Variants in FBXW5 observed in about 807,000 individuals in gnomAD.
FBXW5 encodes F-box and WD repeat domain containing 5.
In FBXW5, 74 loss-of-function variants were observed where a neutral mutation model predicts 50.9. That is an observed-to-expected ratio of 1.45 (90% CI 1.20 to 1.76). The LOEUF (loss-of-function observed/expected upper bound fraction) is 1.76, where lower values mean the gene tolerates loss of function less well. Ranked by LOEUF, FBXW5 falls within the 40% of genes most tolerant of loss-of-function variation. The pLI, the probability that FBXW5 is intolerant of heterozygous loss-of-function variation, is 0.00. For missense variants in FBXW5, 1,073 were observed against 818.8 expected (o/e 1.31, Z -3.79); for synonymous variants, 523 against 362.2 (o/e 1.44, Z -5.04).
intron 1 of FBXW5, 80 bp from the exon 2 acceptor site, chr9:136,944,186 A>C: frequency 2.2e-6 from 3 of 1,392,836 alleles, no homozygotes; most frequent in Non-Finnish European, 2.9e-6. Context: ...TCCAGCCCCA[A>C]CCGTCCCGCC....
Position 136,940,770 on chromosome 9 carries a change from G to GT in FBXW5, c.*157dup. 1 of 1,199,150 alleles carries GT rather than the reference G, an allele frequency of 8.3e-7. No individual in the cohort carries two copies. Among genetic ancestry groups the GT allele is most frequent in the Admixed American group, 2.7e-5 (1 of 37,352 alleles). The allele number at this position is 1,199,150 out of a possible 1,614,324, so 74.3% of individuals were successfully genotyped here. ...ACCCCGTGCCAAGCATCACAGCTGC[G>GT]TGAGCAGGTTTGTGTGTGAGCGTGT... On this transcript the variant is annotated 3_prime_UTR_variant, in exon 9 of 9. Transcript: ENST00000325285.
Position 136,943,481 on chromosome 9 carries a change from G to A in FBXW5, c.219C>T (p.Phe73=), listed in dbSNP as rs1245819991. 1 of 1,611,932 alleles carries A rather than the reference G, an allele frequency of 6.2e-7. No individual in the cohort carries two copies. Among genetic ancestry groups the A allele is most frequent in the Non-Finnish European group, 8.5e-7 (1 of 1,179,278 alleles). Residue 73 remains phenylalanine (F), a synonymous_variant, in exon 3 of 9, where the codon TTC becomes TTT. Coordinates refer to ENST00000325285, the MANE Select transcript of FBXW5 (RefSeq NM_018998.4). Reference sequence around the variant, plus strand: ...AGGGCACCGTGTCATACAGCCGCTGGAACTCCTCGTACCAGGACATGGCCG... The same window carrying A: ...AGGGCACCGTGTCATACAGCCGCTGAAACTCCTCGTACCAGGACATGGCCG... ...HPAAMSWYEE[F]QRLYDTVPCV...
chr9:136,942,004 GCTC>G, intron 6 of FBXW5, 39 bp downstream of exon 6: 1 of 1,556,836 alleles, frequency 6.4e-7, no homozygotes, highest in Non-Finnish European at 8.7e-7. Context: ...CCTCCCCCAA[GCTC>G]CTAGGACCGA....
In FBXW5 at chr9:136,942,759, C is replaced by A. The variant is rs749869265; in HGVS notation, c.526+10G>T. 28 of 1,612,126 alleles carry A rather than the reference C, an allele frequency of 1.7e-5. 1 individual carries two copies. The South Asian group carries it at 3.0e-4, about 17-fold the overall frequency. On this transcript the variant is annotated intron_variant, in intron 4 of 8. Transcript: ENST00000325285. ...GGCGGGGGCAGGGTCAACCCGCCGC[C>A]CGTGCTCACCTAGGCTGATGACAGC...
At chr9:136,941,721 G>GC (rs1469738785) in intron 6 of FBXW5, 37 bp from the exon 7 acceptor site, 23 of 1,534,972 alleles carry the variant, frequency 1.5e-5, no homozygotes, top group Non-Finnish European at 2.0e-5. Context: ...CCTGTCCAAT[G>GC]CCCCAAGGAC....
In FBXW5 at chr9:136,940,713, C is replaced by T. The variant is rs568980362; in HGVS notation, c.*215G>A. ...GTGTACCCCAAGTTGCCCAGGAGGC[C>T]GAGGGGGCCTTGGGCTCCATCTGCA... On this transcript the variant is annotated 3_prime_UTR_variant, in exon 9 of 9. Transcript: ENST00000325285. 4.5e-5 allele frequency: 33 copies of T among 728,254 alleles called. No individual in the cohort carries two copies. Among genetic ancestry groups the T allele is most frequent in the Admixed American group, 2.7e-4 (9 of 33,280 alleles). The allele number at this position is 728,254 out of a possible 1,614,324, so 45.1% of individuals were successfully genotyped here.
chr9:136,942,489 G>A (rs1850820553), intron 5 of FBXW5, 23 bp from the exon 6 acceptor site: 2 of 1,597,396 alleles, frequency 1.3e-6, no homozygotes, highest in South Asian at 1.1e-5. Flanking sequence ...GCACGTGCCA[G>A]GTGGGCGCCG....
At position 136,942,086 on chromosome 9, in the gene FBXW5, G is replaced by A. The variant is rs1297007912; in HGVS notation, c.1056C>T (p.Ile352=). 1.2e-6 allele frequency: 2 copies of A among 1,612,554 alleles called. No homozygotes were observed. The highest frequency in any genetic ancestry group is 1.7e-5 in the Admixed American group (1 of 59,912). ...SATGAKSKYL[I]FTTGCLTYSP... is the part of the protein sequence containing the mutation. ...AGTAGGTGAGGCAGCCAGTGGTGAA[G>A]ATGAGGTACTTGCTCTTGGCGCCTG... The change falls in exon 6 of 9, where the codon ATC becomes ATT. Residue 352 remains isoleucine (I), a synonymous_variant. Transcript: ENST00000325285.
chr9:136,944,716 G>A lies in FBXW5; in HGVS notation c.-146C>T, dbSNP rs1850971461. On this transcript the variant is annotated 5_prime_UTR_variant, in exon 1 of 9. Transcript: ENST00000325285. ...GAGCCCGCCAGGCCCGACGCCACGA[G>A]CCCCGAGGCATCGATGGCCGAGGAA... 3 of 985,584 alleles carry A rather than the reference G, an allele frequency of 3.0e-6. No homozygotes were observed. The highest frequency in any genetic ancestry group is 1.7e-5 in the African/African-American group (1 of 57,236). 61.1% of individuals were successfully genotyped at this position (985,584 alleles called of 1,614,324 possible). A position where few individuals can be genotyped will look rare whatever the true frequency, so the allele number is the denominator to read the frequency against.
At chr9:136,942,491 TGGGCGCC>T (rs771944963) in intron 5 of FBXW5, 25 bp from the exon 6 acceptor site, 138 of 1,596,062 alleles carry the variant, frequency 8.6e-5, no homozygotes, top group South Asian at 1.9e-4. Context: ...ACGTGCCAGG[TGGGCGCC>T]GGGCGCCAGG....
chr9:136,941,292 G>A lies in FBXW5; in HGVS notation c.1416C>T (p.Cys472=), dbSNP rs772603230. ...TGCTGACGTCCAGGAAGATGAAGAA[G>A]CACTCGTCGTTGGGCGTGTAGGCGC... ...AHRAYTPNDE[C]FFIFLDVSRD... The change falls in exon 8 of 9, where the codon TGC becomes TGT. Residue 472 remains cysteine, a synonymous_variant. Coordinates refer to ENST00000325285, the MANE Select transcript of FBXW5 (RefSeq NM_018998.4). The A allele has an allele frequency of 7.5e-6, 12 of 1,608,462 alleles. No homozygotes were observed. The African/African-American group carries it at 8.0e-5, about 11-fold the overall frequency.
rs374812716 is a variant in FBXW5, at chr9:136,942,443, G to T, written c.699C>A (p.Asn233Lys). 3.1e-6 allele frequency: 5 copies of T among 1,600,964 alleles called. No homozygotes were observed. In the Admixed American group the frequency reaches 5.0e-5, roughly 16 times the overall value. Residue 233 changes from asparagine (N) to lysine (K), a missense_variant, in exon 6 of 9, where the codon AAC (asparagine) becomes AAA (lysine). Physicochemically the swap from Asn to Lys is moderately conservative, Grantham distance 94 (BLOSUM62 0). Transcript: ENST00000325285. ...AFQDVESENV[N>K]VVKRLFKIQN... is the part of the protein sequence containing the mutation. ...GGATCTTGAACAGCCGCTTCACCAC[G>T]TTGACGTTCTCTGACTCCACATCCT... is the stretch of plus-strand genomic sequence containing the variant.
At chr9:136,943,286 T>C in intron 3 of FBXW5, 63 bp downstream of exon 3, 1 of 936,424 alleles carries the variant, frequency 1.1e-6, no homozygotes, top group Admixed American at 2.1e-5. Flanking sequence ...AACGCCTGGG[T>C]CCTGGGACCT....
rs778808301 is a variant in FBXW5, at chr9:136,942,910, G to C, written c.385C>G (p.His129Asp). The C allele has an allele frequency of 4.3e-6, 7 of 1,613,470 alleles. No homozygotes were observed. The highest frequency in any genetic ancestry group is 1.1e-5 in the South Asian group (1 of 91,082). The change falls in exon 4 of 9, where the codon CAC becomes GAC. Residue 129 changes from histidine (H) to aspartate (D), a missense_variant. By Grantham distance (81) the His-to-Asp change is moderately conservative. Transcript: ENST00000325285. ...WSNDLTISLLHSADMRPYNWS... is the reference protein window; with the variant it reads ...WSNDLTISLLDSADMRPYNWS... Reference sequence around the variant, plus strand: ...TTGTAGGGCCGCATGTCCGCGCTGTGCAGCAGCGAGATGGTCAGGTCGTTG... The same window carrying C: ...TTGTAGGGCCGCATGTCCGCGCTGTCCAGCAGCGAGATGGTCAGGTCGTTG...
In FBXW5 at chr9:136,940,707, G is replaced by A. The variant is rs1277646658; in HGVS notation, c.*221C>T. On this transcript the variant is annotated 3_prime_UTR_variant, in exon 9 of 9. Transcript: ENST00000325285. ...TATCCTGTGTACCCCAAGTTGCCCAGGAGGCCGAGGGGGCCTTGGGCTCCA... is the reference window on the plus strand; with the variant it reads ...TATCCTGTGTACCCCAAGTTGCCCAAGAGGCCGAGGGGGCCTTGGGCTCCA... The A allele has an allele frequency of 1.6e-5, 11 of 682,468 alleles. No homozygotes were observed. The African/African-American group carries it at 2.0e-4, about 12-fold the overall frequency. 42.3% of individuals were successfully genotyped at this position (682,468 alleles called of 1,614,324 possible).
rs745710703 is a variant in FBXW5 at position 136,942,664 on chromosome 9, G to C, written c.558C>G (p.Asn186Lys). 3.7e-6 allele frequency: 6 copies of C among 1,610,276 alleles called. No individual in the cohort carries two copies. Among genetic ancestry groups the C allele is most frequent in the African/African-American group, 1.3e-5 (1 of 74,830 alleles). ...AACAGCCAAACACGTCATAGGGCTT[G>C]TTCCGCACGCGGGACAGCAGCGCGA... Reference protein sequence around the residue: ...DSFALLSRVRNKPYDVFGCWL... With the variant: ...DSFALLSRVRKKPYDVFGCWL... The change falls in exon 5 of 9, where the codon AAC (asparagine) becomes AAG (lysine). Residue 186 changes from asparagine to lysine, a missense_variant. By Grantham distance (94) the Asn-to-Lys change is moderately conservative (BLOSUM62 0). Coordinates refer to ENST00000325285, the MANE Select transcript of FBXW5 (RefSeq NM_018998.4).
chr9:136,940,934 C>G lies in FBXW5; in HGVS notation c.1695G>C (p.Arg565Ser). ...RTFFSWLASQRR is the reference protein window; with the variant it reads ...RTFFSWLASQSR ...CCAGTGCACCCAGCACACCTCAGCG[C>G]CTCTGGCTGGCAAGCCAGGAGAAGA... Residue 565 changes from arginine (R) to serine (S), a missense_variant, in exon 9 of 9, where the codon AGG becomes AGC. Transcript: ENST00000325285. The G allele has an allele frequency of 6.3e-7, 1 of 1,576,984 alleles. No individual in the cohort carries two copies. The highest frequency in any genetic ancestry group is 8.6e-7 in the Non-Finnish European group (1 of 1,163,056).
In FBXW5 at chr9:136,942,909, T is replaced by C. The variant is rs140614835; in HGVS notation, c.386A>G (p.His129Arg). 1 of 1,613,362 alleles carries C rather than the reference T, an allele frequency of 6.2e-7. No homozygotes were observed. Among genetic ancestry groups the C allele is most frequent in the Non-Finnish European group, 8.5e-7 (1 of 1,179,928 alleles). ...WSNDLTISLL[H>R]SADMRPYNWS... The stretch of plus-strand genomic sequence containing the variant: ...GTTGTAGGGCCGCATGTCCGCGCTG[T>C]GCAGCAGCGAGATGGTCAGGTCGTT... Residue 129 changes from histidine to arginine, a missense_variant, in exon 4 of 9, where the codon CAC (histidine) becomes CGC (arginine). Transcript: ENST00000325285.
Position 136,942,219 on chromosome 9 carries a change from C to T in FBXW5, c.923G>A (p.Arg308His), listed in dbSNP as rs752950907. 3.7e-5 allele frequency: 59 copies of T among 1,592,280 alleles called. No homozygotes were observed. The highest frequency in any genetic ancestry group is 5.6e-5 in the South Asian group (5 of 88,692). The stretch of plus-strand genomic sequence containing the variant: ...TGGCTGCGCCCGCCCCTCCAGCACG[C>T]GGTCCAGAAAGTGCCGCAAGCCCTC... ...AKEGLRHFLDRVLEGRAQPQL... is the reference protein window; with the variant it reads ...AKEGLRHFLDHVLEGRAQPQL... The change falls in exon 6 of 9, where the codon CGC becomes CAC. Residue 308 changes from arginine (R) to histidine (H), a missense_variant. Arg to His is a conservative substitution (Grantham distance 29, BLOSUM62 0). Transcript: ENST00000325285.
Sources: gnomAD v4.1 joint callset for allele counts on GRCh38, gnomAD v4.1.1 for gene constraint, MANE v1.5 for transcripts, NCBI Gene and HGNC (gene_info 2026-07-23, HGNC 2026-07-21) for gene names.